Variants in TCF20 observed in about 807,000 individuals in gnomAD.
The protein encoded by TCF20 is SPRE-binding protein.
Under a neutral mutation model 148.6 loss-of-function variants are expected in TCF20, and 3 were observed. The ratio of observed to expected loss-of-function variants is 0.02; its 90% CI spans 0.01 to 0.05. TCF20 has a LOEUF of 0.05. TCF20 is among the 10% of genes least tolerant of loss of function. The probability of loss-of-function intolerance (pLI) is 1.00; values close to 1 mark genes in which losing one functional copy is unlikely to be tolerated. For missense variants in TCF20, 2,350 were observed against 2,429.3 expected, an observed-to-expected ratio of 0.97 and a Z score of 0.69; for synonymous variants, 1,049 against 909.5, an observed-to-expected ratio of 1.15 and a Z score of -2.76.
intron 1 of TCF20, among the ~76,000 whole-genome samples, chr22:42,298,786 C>G (rs1927280360): frequency 6.6e-6 from 1 of 152,252 alleles, no homozygotes; most frequent in African/African-American, 2.4e-5. Flanking sequence ...AAAGAAACCA[C>G]AGCAGGGATG....
intron 5 of TCF20, among the ~76,000 whole-genome samples, chr22:42,166,609 CAAAA>C (rs545755110): frequency 5.7e-5 from 4 of 70,462 alleles, no homozygotes; most frequent in African/African-American, 8.5e-5. Context: ...AATCCGTCTC[CAAAA>C]AAAAAAAAAA....
chr22:42,261,894 G>A (rs564667216), intron 1 of TCF20, among the ~76,000 whole-genome samples: 93 of 152,318 alleles, frequency 6.1e-4, no homozygotes, highest in African/African-American at 2.2e-3. Context: ...GGGAGGCTGA[G>A]GCAGGAGAAT....
At chr22:42,227,521 A>AC (rs1208421658) in intron 1 of TCF20, among the ~76,000 whole-genome samples, 1 of 152,198 alleles carries the variant, frequency 6.6e-6, no homozygotes, top group East Asian at 1.9e-4. Flanking sequence ...ACAAGCCTCC[A>AC]CATCAGGAAA....
chr22:42,273,336 G>A (rs984046099), upstream of TCF20, among the ~76,000 whole-genome samples: 1 of 126,106 alleles, frequency 7.9e-6, no homozygotes, highest in African/African-American at 3.0e-5. Context: ...CTCCAGCCTG[G>A]GCGACAAGAG....
intron 1 of TCF20, among the ~76,000 whole-genome samples, chr22:42,254,076 C>CAAAAA (rs528387021): frequency 5.6e-5 from 3 of 53,572 alleles, no homozygotes; most frequent in Non-Finnish European, 1.2e-4. Context: ...AACTCCCTTT[C>CAAAAA]AAAAAAAAAA....
At chr22:42,281,547 C>T (rs1926902861) in intron 1 of TCF20, among the ~76,000 whole-genome samples, 1 of 152,238 alleles carries the variant, frequency 6.6e-6, no homozygotes. Flanking sequence ...TCTTGCACTT[C>T]CCTCTGATGG....
chr22:42,216,130 C>CA (rs2147229141), intron 1 of TCF20, among the ~76,000 whole-genome samples: 1 of 120,050 alleles, frequency 8.3e-6, no homozygotes, highest in South Asian at 2.8e-4. Context: ...CACTCTTGCC[C>CA]AGGCTGGAGT....
Position 42,209,518 on chromosome 22 carries a change from T to C in TCF20, c.5655+133A>G. The C allele has an allele frequency of 3.8e-6, 4 of 1,062,448 alleles. 1 individual carries two copies. The South Asian group carries it at 6.9e-5, about 18-fold the overall frequency. 65.8% of individuals were successfully genotyped at this position (1,062,448 alleles called of 1,614,324 possible). On this transcript the variant is annotated intron_variant, in intron 2 of 5. Transcript: ENST00000677622. The stretch of plus-strand genomic sequence containing the variant: ...AATCTTCCAAATTACCTATTTCATT[T>C]TCTGTCCATCACATGGGCATAGGCA...
upstream of TCF20, among the ~76,000 whole-genome samples, chr22:42,272,010 A>G (rs1926638524): frequency 6.6e-6 from 1 of 152,164 alleles, no homozygotes; most frequent in Non-Finnish European, 1.5e-5. Context: ...CCTTGGCAGG[A>G]GCATGTACTT....
At chr22:42,327,790 C>T (rs1300986738) in intron 1 of TCF20, among the ~76,000 whole-genome samples, 4 of 150,756 alleles carry the variant, frequency 2.7e-5, no homozygotes, top group African/African-American at 7.3e-5. Flanking sequence ...CTCATGTGAC[C>T]GCTCCCAGAG....
Position 42,318,408 on chromosome 22 carries a change from C to A in TCF20, c.-37+25071G>T, listed in dbSNP as rs949058071. Reference sequence around the variant, plus strand: ...ACAATAACACCCTCCACTTCCCTCGCGGCCTGTGAGAGGAGAGGGGAGGAG... The same window carrying A: ...ACAATAACACCCTCCACTTCCCTCGAGGCCTGTGAGAGGAGAGGGGAGGAG... On this transcript the variant is annotated intron_variant, in intron 1 of 1. Transcript: ENST00000515426. Among the ~76,000 whole-genome samples, 13 of 152,272 alleles carry A rather than the reference C, an allele frequency of 8.5e-5. 1 individual carries two copies. In the East Asian group the frequency reaches 2.3e-3, roughly 27 times the overall value.
rs751773638 is a variant in TCF20, at chr22:42,210,080, G to T, written c.5226C>A (p.Ala1742=). ...TLPKNPPPKR[A]TEMQSKVKVR... ...CCTTAACTTTGCTCTGCATTTCTGTGGCCCTCTTAGGAGGTGGATTCTTCG... is the reference window on the plus strand; with the variant it reads ...CCTTAACTTTGCTCTGCATTTCTGTTGCCCTCTTAGGAGGTGGATTCTTCG... Residue 1742 remains alanine (A), a synonymous_variant, in exon 2 of 6, where the codon GCC becomes GCA. Transcript: ENST00000677622. The surrounding 1 kb of genome is among the most constrained non-coding windows in gnomAD (Gnocchi z 4.7). The T allele has an allele frequency of 3.1e-6, 5 of 1,613,828 alleles. No individual in the cohort carries two copies. The South Asian group carries it at 4.4e-5, about 14-fold the overall frequency.
At chr22:42,241,332 C>T (rs1204717400) in intron 1 of TCF20, among the ~76,000 whole-genome samples, 1 of 152,102 alleles carries the variant, frequency 6.6e-6, no homozygotes, top group East Asian at 1.9e-4. Context: ...GTTATAGATC[C>T]AAAGGAACTC....
chr22:42,163,163 C>T (rs1453488644), intron 5 of TCF20, among the ~76,000 whole-genome samples: 1 of 152,204 alleles, frequency 6.6e-6, no homozygotes, highest in Non-Finnish European at 1.5e-5. Context: ...CCCAATCTTG[C>T]TCATTACTCA....
rs778906412 is a variant in TCF20 at position 42,179,625 on chromosome 22, C to T, written c.5733G>A (p.Pro1911=). The T allele has an allele frequency of 3.0e-5, 49 of 1,613,758 alleles. No homozygotes were observed. The highest frequency in any genetic ancestry group is 5.3e-5 in the African/African-American group (4 of 74,854). Residue 1911 remains proline, a synonymous_variant, in exon 3 of 6, where the codon CCG becomes CCA. Transcript: ENST00000677622. ...NKGCSFRYHY[P]CAIDADCLLH... ...TCCTCTTACCTGCATCAATGGCACA[C>T]GGGTAATGGTATCGGAAGGAGCAGC...
intron 1 of TCF20, among the ~76,000 whole-genome samples, chr22:42,340,633 C>T (rs913281369): frequency 6.6e-6 from 1 of 152,172 alleles, no homozygotes; most frequent in South Asian, 2.1e-4. Flanking sequence ...TGGCCCACCC[C>T]ACTCCACCCC....
upstream of TCF20, among the ~76,000 whole-genome samples, chr22:42,271,866 T>C (rs917649418): frequency 6.6e-6 from 1 of 152,138 alleles, no homozygotes; most frequent in Non-Finnish European, 1.5e-5. Flanking sequence ...CAGATTTCCA[T>C]ATATTTGAGG....
intron 1 of TCF20, among the ~76,000 whole-genome samples, chr22:42,296,644 G>A (rs1927242498): frequency 6.6e-6 from 1 of 152,204 alleles, no homozygotes; most frequent in African/African-American, 2.4e-5. Context: ...CAGCCGGGAG[G>A]CAGGCCAGGC....
At chr22:42,258,204 G>T (rs936248405) in intron 1 of TCF20, among the ~76,000 whole-genome samples, 6 of 151,994 alleles carry the variant, frequency 3.9e-5, no homozygotes, top group Non-Finnish European at 8.8e-5. Flanking sequence ...AGCTCTATCC[G>T]CTTGGCAGGA....
Sources: allele counts gnomAD v4.1 joint callset (sites outside exome capture counted in the v4.1 genomes callset), GRCh38; gene constraint gnomAD v4.1.1; non-coding constraint Gnocchi (gnomAD v3.1); transcripts MANE v1.5; gene names NCBI Gene and HGNC (gene_info 2026-07-23, HGNC 2026-07-21).